Variants in SGPP2 observed in about 807,000 individuals in gnomAD.
SGPP2 encodes the protein sphingosine 1-phosphate phosphohydrolase 2.
In SGPP2, 30 loss-of-function variants were observed where a neutral mutation model predicts 33.9. That is an observed-to-expected ratio of 0.89 (90% CI 0.66 to 1.20). SGPP2 has a LOEUF of 1.20. Ranked by LOEUF, SGPP2 falls within the 50% of genes most tolerant of loss-of-function variation. SGPP2 has a pLI of 0.00. For missense variants in SGPP2, 458 were observed against 532.1 expected, an observed-to-expected ratio of 0.86 and a Z score of 1.37; for synonymous variants, 233 against 225.0, an observed-to-expected ratio of 1.04 and a Z score of -0.32.
chr2:222,543,317 C>T (rs1220594145), intron 4 of SGPP2, among the ~76,000 whole-genome samples: 1 of 152,200 alleles, frequency 6.6e-6, no homozygotes, highest in Non-Finnish European at 1.5e-5. Context: ...TATCCTTTAA[C>T]AGAAACATCA....
chr2:222,531,581 T>C lies in SGPP2; in HGVS notation c.648+6548T>C, dbSNP rs149879252. Among the ~76,000 whole-genome samples the C allele has an allele frequency of 2.3e-4, 35 of 152,316 alleles. No homozygotes were observed. In the East Asian group the frequency reaches 6.2e-3, roughly 27 times the overall value. Reference sequence around the variant, plus strand: ...TGTATAGAGTTTCAGTTTTGTAAGATGAAAGACATTTTGGAATTGGATGAT... The same window carrying C: ...TGTATAGAGTTTCAGTTTTGTAAGACGAAAGACATTTTGGAATTGGATGAT... On this transcript the variant is annotated intron_variant, in intron 4 of 4. Coordinates refer to ENST00000321276, the MANE Select transcript of SGPP2 (RefSeq NM_152386.4).
At chr2:222,501,726 G>A (rs1438885087) in intron 2 of SGPP2, among the ~76,000 whole-genome samples, 1 of 152,144 alleles carries the variant, frequency 6.6e-6, no homozygotes, top group East Asian at 1.9e-4. Context: ...TCTGAGGCTA[G>A]ATCTCTACCC....
intron 2 of SGPP2, among the ~76,000 whole-genome samples, chr2:222,479,965 T>C (rs1427593108): frequency 6.6e-6 from 1 of 152,214 alleles, no homozygotes; most frequent in Non-Finnish European, 1.5e-5. Flanking sequence ...GTTTTTAACC[T>C]ATCTTTGGGC....
intron 4 of SGPP2, among the ~76,000 whole-genome samples, chr2:222,557,288 TG>T (rs1689428364): frequency 6.6e-6 from 1 of 152,216 alleles, no homozygotes; most frequent in Non-Finnish European, 1.5e-5. Flanking sequence ...TCTAGCACTG[TG>T]TTTGGCAAAC....
chr2:222,527,385 A>G (rs1014647666), intron 4 of SGPP2, among the ~76,000 whole-genome samples: 2 of 152,214 alleles, frequency 1.3e-5, no homozygotes, highest in Non-Finnish European at 2.9e-5. Context: ...ATGTCACACT[A>G]TGTTCATCCA....
intron 2 of SGPP2, among the ~76,000 whole-genome samples, chr2:222,514,895 C>G (rs1006343351): frequency 6.6e-6 from 1 of 152,116 alleles, no homozygotes; most frequent in Non-Finnish European, 1.5e-5. Flanking sequence ...ACTTCAAAAC[C>G]ACTTCCACAT....
At chr2:222,459,142 C>CTTTTTTTTTTTTTTTTTTT (rs1164145783) in intron 1 of SGPP2, among the ~76,000 whole-genome samples, 2 of 94,462 alleles carry the variant, frequency 2.1e-5, no homozygotes, top group South Asian at 3.8e-4. Flanking sequence ...TTCTTTCTTT[C>CTTTTTTTTTTTTTTTTTTT]TTTTTTTTTT....
rs1553543460 is a variant in SGPP2 at position 222,559,169 on chromosome 2, C to CAA, written c.*271_*272insAA. 514 of 112,610 alleles carry CAA rather than the reference C, an allele frequency of 4.6e-3. 71 individuals carry two copies. Among genetic ancestry groups the CAA allele is most frequent in the African/African-American group, 0.022 (489 of 21,864 alleles). 7.0% of individuals were successfully genotyped at this position (112,610 alleles called of 1,614,324 possible). A position where few individuals can be genotyped will look rare whatever the true frequency, so the allele number is the denominator to read the frequency against. On this transcript the variant is annotated 3_prime_UTR_variant, in exon 5 of 5. Coordinates refer to ENST00000321276, the MANE Select transcript of SGPP2 (RefSeq NM_152386.4). ...TTAAAGGCACACACCGCGCCCCCCC[C>CAA]CCCCCCGCCCGGCCCCTGCTCCTCT... is the stretch of plus-strand genomic sequence containing the variant.
chr2:222,556,270 G>A (rs377233718), intron 4 of SGPP2, among the ~76,000 whole-genome samples: 15 of 152,242 alleles, frequency 9.9e-5, no homozygotes, highest in African/African-American at 3.6e-4. Flanking sequence ...GGCAATATCA[G>A]TGCATATTCA....
rs1471414426 is a variant in SGPP2 at position 222,550,285 on chromosome 2, AACAATC to A, written c.649-8060_649-8055del. On this transcript the variant is annotated intron_variant, in intron 4 of 4. Coordinates refer to ENST00000321276, the MANE Select transcript of SGPP2 (RefSeq NM_152386.4). This position sits in a 1 kb window ranked among gnomAD's most constrained non-coding sequence, Gnocchi z 4.5. ...TTTTTGGCATGATGTGAAAATTATA[AACAATC>A]ATTTCTAGTTTAGTCTGTTTTGAAA... is the stretch of plus-strand genomic sequence containing the variant. Among the ~76,000 whole-genome samples the A allele has an allele frequency of 2.6e-5, 4 of 152,176 alleles. No individual in the cohort carries two copies. The highest frequency in any genetic ancestry group is 9.7e-5 in the African/African-American group (4 of 41,450).
intron 2 of SGPP2, among the ~76,000 whole-genome samples, chr2:222,500,895 G>T (rs1698357015): frequency 6.6e-6 from 1 of 152,198 alleles, no homozygotes; most frequent in Non-Finnish European, 1.5e-5. Flanking sequence ...CCCTACGTGT[G>T]TGCAGTTGTT....
rs552235839 is a variant in SGPP2 at position 222,549,263 on chromosome 2, C to G, written c.649-9084C>G. 2.7e-3 allele frequency among the ~76,000 whole-genome samples: 414 copies of G among 152,336 alleles called. 3 individuals are homozygous for G. Among genetic ancestry groups the G allele is most frequent in the African/African-American group, 9.2e-3 (381 of 41,572 alleles). On this transcript the variant is annotated intron_variant, in intron 4 of 4. Transcript: ENST00000321276. ...GTTCTCTCCCTTTCTTTCTCACTAG[C>G]GCTAACCTTGTGTTGTGTTGGCCTG...
In SGPP2 at chr2:222,562,553, G is replaced by A. The variant is rs8656; in HGVS notation, c.*3655G>A. Among the ~76,000 whole-genome samples, 46,108 of 152,054 alleles carry A rather than the reference G, an allele frequency of 0.3. 7,215 individuals carry two copies. The highest frequency in any genetic ancestry group is 0.45 in the Middle Eastern group (131 of 292). On this transcript the variant is annotated 3_prime_UTR_variant, in exon 5 of 5. Coordinates refer to ENST00000321276, the MANE Select transcript of SGPP2 (RefSeq NM_152386.4). ...CCTTCAGCTGTCTTGCTTATGTACT[G>A]TATGTAAATTTATTCTTTTTAAAAA... is the stretch of plus-strand genomic sequence containing the variant.
intron 2 of SGPP2, among the ~76,000 whole-genome samples, chr2:222,503,011 T>C (rs959374995): frequency 6.6e-6 from 1 of 152,220 alleles, no homozygotes; most frequent in Non-Finnish European, 1.5e-5. Flanking sequence ...GTATAACTGG[T>C]TTATTTCTAA....
At chr2:222,490,603 A>G (rs1698181860) in intron 2 of SGPP2, among the ~76,000 whole-genome samples, 1 of 99,922 alleles carries the variant, frequency 1.0e-5, no homozygotes, top group Non-Finnish European at 2.2e-5. Context: ...ACACCTGGCT[A>G]ATTTTTTTTT....
chr2:222,434,975 TACACACACACAC>T (rs71053082), intron 1 of SGPP2, among the ~76,000 whole-genome samples: 44 of 146,076 alleles, frequency 3.0e-4, no homozygotes, highest in South Asian at 6.5e-4. Context: ...TGGAGATATA[TACACACACACAC>T]ACACACACAC....
rs1302444987 is a variant in SGPP2, at chr2:222,466,319, C to T, written c.220-8249C>T. Among the ~76,000 whole-genome samples the T allele has an allele frequency of 5.8e-5, 8 of 138,402 alleles. No individual in the cohort carries two copies. The South Asian group carries it at 7.0e-4, about 12-fold the overall frequency. 90.8% of individuals were successfully genotyped at this position (138,402 alleles called of 152,430 possible). ...TGTCACCCAGGCTGGAGTGCAGTGG[C>T]GCAATCTCGGCTCACTGTAACCTCC... On this transcript the variant is annotated intron_variant, in intron 1 of 4. Transcript: ENST00000321276.
At position 222,561,832 on chromosome 2, in the gene SGPP2, G is replaced by A. The variant is rs1355173489; in HGVS notation, c.*2934G>A. 9.5e-5 allele frequency among the ~76,000 whole-genome samples: 4 copies of A among 42,142 alleles called. No homozygotes were observed. The highest frequency in any genetic ancestry group is 2.8e-4 in the Admixed American group (1 of 3,578). The allele number at this position is 42,142 out of a possible 152,430, so 27.6% of individuals were successfully genotyped here. On this transcript the variant is annotated 3_prime_UTR_variant, in exon 5 of 5. Coordinates refer to ENST00000321276, the MANE Select transcript of SGPP2 (RefSeq NM_152386.4). Reference sequence around the variant, plus strand: ...GGTGAGAATCAGACAAAAATTCATCGGGGTGAAAAAGGCATTACCTGATTC... The same window carrying A: ...GGTGAGAATCAGACAAAAATTCATCAGGGTGAAAAAGGCATTACCTGATTC...
chr2:222,535,637 C>A (rs1053482517), intron 4 of SGPP2, among the ~76,000 whole-genome samples: 2 of 152,210 alleles, frequency 1.3e-5, no homozygotes, highest in African/African-American at 4.8e-5. Context: ...AGAAGCCACT[C>A]GCATCCTTTC....
Sources: allele counts gnomAD v4.1 joint callset (sites outside exome capture counted in the v4.1 genomes callset), GRCh38; gene constraint gnomAD v4.1.1; non-coding constraint Gnocchi (gnomAD v3.1); transcripts MANE v1.5; gene names NCBI Gene and HGNC (gene_info 2026-07-23, HGNC 2026-07-21).